FAM120C: variants seen among roughly 807,000 people sequenced by gnomAD.
FAM120C encodes family with sequence similarity 120 member C, also known as constitutive coactivator of PPAR-gamma-like protein 2.
Under a neutral mutation model 71.2 loss-of-function variants are expected in FAM120C, and 14 were observed. The observed-to-expected ratio is 0.20, with a 90% CI of 0.13 to 0.31. The LOEUF is 0.31. FAM120C is among the 10% of genes least tolerant of loss of function. FAM120C has a pLI of 1.00. For synonymous variants in FAM120C, 354 were observed against 353.2 expected, an observed-to-expected ratio of 1.00 and a Z score of -0.03; for missense variants, 500 against 879.0, an observed-to-expected ratio of 0.57 and a Z score of 5.45.
chrX:54,100,656 A>AAAAC (rs782439578), intron 10 of FAM120C, among the ~76,000 whole-genome samples: 2 of 111,848 alleles, frequency 1.8e-5, no homozygotes, highest in Admixed American at 9.6e-5. Context: ...ACTCTGTCTT[A>AAAAC]AAACAAACAA....
At chrX:54,097,755 C>T (rs1251907504) in intron 10 of FAM120C, among the ~76,000 whole-genome samples, 1 of 111,223 alleles carries the variant, frequency 9.0e-6, no homozygotes, top group Non-Finnish European at 1.9e-5. Flanking sequence ...GAGATGGACT[C>T]TCGCTCTGTC....
chrX:54,116,494 T>C (rs782063849), intron 10 of FAM120C, 51 bp downstream of exon 10: 2 of 1,150,593 alleles, frequency 1.7e-6, no homozygotes, highest in Non-Finnish European at 2.3e-6. Flanking sequence ...AAAGGAAATA[T>C]AAAAAAAGTA....
rs782556461 is a variant in FAM120C, at chrX:54,182,698, G to A, written c.501C>T (p.Leu167=). 2.0e-5 allele frequency: 24 copies of A among 1,208,525 alleles called. No homozygotes were observed. The East Asian group carries it at 6.5e-4, about 33-fold the overall frequency. The part of the protein sequence containing the change: ...CAYPGGDGLE[L]VVMFPGGLGK... ...CCAGGCCCCCCGGGAACATGACCAC[G>A]AGCTCCAGGCCGTCGCCGCCAGGAT... is the stretch of plus-strand genomic sequence containing the variant. Residue 167 remains leucine (L), a synonymous_variant, in exon 1 of 16, where the codon CTC becomes CTT. Transcript: ENST00000375180.
chrX:54,164,723 T>A (rs1201702949), intron 1 of FAM120C, among the ~76,000 whole-genome samples: 1 of 112,347 alleles, frequency 8.9e-6, no homozygotes, highest in Non-Finnish European at 1.9e-5. Flanking sequence ...AACATGGGTG[T>A]GCAAATATCT....
In FAM120C at chrX:54,182,881, C is replaced by A; in HGVS notation, c.318G>T (p.Pro106=). 8.8e-7 allele frequency: 1 copy of A among 1,137,322 alleles called. No individual in the cohort carries two copies. Among genetic ancestry groups the A allele is most frequent in the South Asian group, 2.1e-5 (1 of 47,928 alleles). The allele number at this position is 1,137,322 out of a possible 1,213,427, so 93.7% of individuals were successfully genotyped here. A position where few individuals can be genotyped will look rare whatever the true frequency, so the allele number is the denominator to read the frequency against. ...QAQPGLHPPL[P]PPPPPQLPGA... is the part of the protein sequence containing the mutation. ...CGGGCAGCTGAGGGGGCGGCGGCGG[C>A]GGCAGCGGAGGGTGCAGCCCGGGCT... is the stretch of plus-strand genomic sequence containing the variant. The change falls in exon 1 of 16, where the codon CCG becomes CCT. Residue 106 remains proline, a synonymous_variant. Coordinates refer to ENST00000375180, the MANE Select transcript of FAM120C (RefSeq NM_017848.6).
At chrX:54,169,032 G>A (rs1328747554) in intron 1 of FAM120C, among the ~76,000 whole-genome samples, 1 of 111,804 alleles carries the variant, frequency 8.9e-6, no homozygotes, top group East Asian at 2.8e-4. Context: ...GGTGGCTCAT[G>A]CCTGTAATCC....
chrX:54,177,292 G>T (rs1163791634), intron 1 of FAM120C, among the ~76,000 whole-genome samples: 1 of 111,268 alleles, frequency 9.0e-6, no homozygotes, highest in Non-Finnish European at 1.9e-5. Context: ...ATGGCAGATG[G>T]AGTCCGGAGA....
intron 9 of FAM120C, among the ~76,000 whole-genome samples, chrX:54,125,008 A>G (rs2067018883): frequency 9.0e-6 from 1 of 111,088 alleles, no homozygotes; most frequent in Non-Finnish European, 1.9e-5. Context: ...AAAAAACAAC[A>G]AAAAAACTAT....
intron 1 of FAM120C, chrX:54,171,426 C>T (rs1437505900): frequency 8.9e-6 from 1 of 112,107 alleles, no homozygotes; most frequent in African/African-American, 3.2e-5. Flanking sequence ...AAAACACACA[C>T]ACAGAAATGT....
chrX:54,085,671 G>A, intron 13 of FAM120C, 44 bp downstream of exon 13: 1 of 1,085,458 alleles, frequency 9.2e-7, no homozygotes, highest in Non-Finnish European at 1.3e-6. Flanking sequence ...AGATTATTAT[G>A]ACATAAATTG....
At position 54,081,311 on chromosome X, in the gene FAM120C, T is replaced by G. The variant is rs782553145; in HGVS notation, c.2978+11A>C. 1 of 1,204,307 alleles carries G rather than the reference T, an allele frequency of 8.3e-7. No homozygotes were observed. On this transcript the variant is annotated intron_variant, in intron 14 of 15. Coordinates refer to ENST00000375180, the MANE Select transcript of FAM120C (RefSeq NM_017848.6). The stretch of plus-strand genomic sequence containing the variant: ...GGGGACTAGCTCATATCAACCTATT[T>G]GGGTACATACCCCTTTCCTGGCCCA...
rs938500337 is a variant in FAM120C at position 54,071,470 on chromosome X, C to G, written c.*1563G>C. 2 of 112,801 alleles carry G rather than the reference C, an allele frequency of 1.8e-5. No individual in the cohort carries two copies. Among genetic ancestry groups the G allele is most frequent in the African/African-American group, 6.4e-5 (2 of 31,105 alleles). 9.3% of individuals were successfully genotyped at this position (112,801 alleles called of 1,213,427 possible). A position where few individuals can be genotyped will look rare whatever the true frequency, so the allele number is the denominator to read the frequency against. On this transcript the variant is annotated 3_prime_UTR_variant, in exon 16 of 16. Coordinates refer to ENST00000375180, the MANE Select transcript of FAM120C (RefSeq NM_017848.6). ...AAATAGTTTCCTCACACTTCCCTAC[C>G]CTATCTTTCCAAAGCTAGTCCTCTC...
Position 54,114,419 on chromosome X carries a change from T to G in FAM120C, c.2312+2126A>C, listed in dbSNP as rs187130571. Reference sequence around the variant, plus strand: ...ACCCCTTAAATCTATAAAAATAAAGTTTTTTTTTGTTTTTGTTTTTTTGGT... The same window carrying G: ...ACCCCTTAAATCTATAAAAATAAAGGTTTTTTTTGTTTTTGTTTTTTTGGT... On this transcript the variant is annotated intron_variant, in intron 10 of 15. Coordinates refer to ENST00000375180, the MANE Select transcript of FAM120C (RefSeq NM_017848.6). Among the ~76,000 whole-genome samples, 551 of 109,384 alleles carry G rather than the reference T, an allele frequency of 5.0e-3. 2 individuals are homozygous for G. Among genetic ancestry groups the G allele is most frequent in the African/African-American group, 0.017 (513 of 30,292 alleles). The allele number at this position is 109,384 out of a possible 115,157, so 95.0% of individuals were successfully genotyped here.
chrX:54,083,339 C>T (rs1166513842), intron 13 of FAM120C, among the ~76,000 whole-genome samples: 7 of 108,948 alleles, frequency 6.4e-5, no homozygotes, highest in African/African-American at 2.3e-4. Context: ...TGGTGGCTCA[C>T]ACCTGTAATC....
chrX:54,176,166 C>T (rs1021985558), intron 1 of FAM120C, among the ~76,000 whole-genome samples: 2 of 111,115 alleles, frequency 1.8e-5, no homozygotes, highest in African/African-American at 6.5e-5. Context: ...GGCGTGGTGG[C>T]TCACGCCTGT....
At chrX:54,136,363 G>A (rs927947494) in intron 5 of FAM120C, 128 bp downstream of exon 5, 70 of 475,723 alleles carry the variant, frequency 1.5e-4, no homozygotes, top group Non-Finnish European at 2.5e-4. Flanking sequence ...CTACCAAACA[G>A]GGATGAGGAA....
intron 10 of FAM120C, among the ~76,000 whole-genome samples, chrX:54,098,216 T>C (rs1557123651): frequency 1.8e-5 from 2 of 108,481 alleles, no homozygotes; most frequent in African/African-American, 6.7e-5. Flanking sequence ...TAATTCTGTA[T>C]TTTTAGTAGA....
intron 10 of FAM120C, among the ~76,000 whole-genome samples, chrX:54,095,061 T>C (rs1557123085): frequency 9.2e-6 from 1 of 108,486 alleles, no homozygotes; most frequent in African/African-American, 3.3e-5. Flanking sequence ...AGCAAGAACT[T>C]GTTTCAAAAA....
Position 54,134,102 on chromosome X carries a change from C to T in FAM120C, c.1617-56G>A. On this transcript the variant is annotated intron_variant, in intron 7 of 15. Transcript: ENST00000375180. ...GAAAAGGGAGATTGATAAAGATATTCCTACTTAAGATGCCTGTTCTGGACC... is the reference window on the plus strand; with the variant it reads ...GAAAAGGGAGATTGATAAAGATATTTCTACTTAAGATGCCTGTTCTGGACC... The T allele has an allele frequency of 2.6e-6, 3 of 1,132,795 alleles. No homozygotes were observed. In the South Asian group the frequency reaches 6.0e-5, roughly 23 times the overall value. 93.4% of individuals were successfully genotyped at this position (1,132,795 alleles called of 1,213,427 possible).
Sources: gnomAD v4.1 joint callset for allele counts (sites outside exome capture counted in the v4.1 genomes callset) on GRCh38, gnomAD v4.1.1 for gene constraint, MANE v1.5 for transcripts, NCBI Gene and HGNC (gene_info 2026-07-23, HGNC 2026-07-21) for gene names.